SUPT3H: variants seen among roughly 807,000 people sequenced by gnomAD.
SUPT3H encodes the protein SPT3 homolog, SAGA and STAGA complex component.
Under a neutral mutation model 44.3 loss-of-function variants are expected in SUPT3H, and 44 were observed. The observed-to-expected ratio is 0.99, with a 90% confidence interval of 0.78 to 1.28. SUPT3H has a LOEUF of 1.28. Among genes scored for constraint, SUPT3H ranks in the 50% most tolerant of loss-of-function variants. The pLI is 0.00. For synonymous variants in SUPT3H, 124 were observed against 125.6 expected (o/e 0.99, Z 0.09); for missense variants, 380 against 387.1 (o/e 0.98, Z 0.15).
chr6:45,062,502 G>A (rs1474988208), intron 3 of SUPT3H, among the ~76,000 whole-genome samples: 9 of 152,316 alleles, frequency 5.9e-5, no homozygotes, highest in South Asian at 4.1e-4. Flanking sequence ...AGCTCCCAGC[G>A]TGAGCGACGC....
At chr6:45,308,779 AT>A (rs1327119312) in intron 2 of SUPT3H, among the ~76,000 whole-genome samples, 1 of 151,928 alleles carries the variant, frequency 6.6e-6, no homozygotes, top group South Asian at 2.1e-4. Context: ...GTCAAAAAAA[AT>A]AATGAAAATT....
intron 6 of SUPT3H, among the ~76,000 whole-genome samples, chr6:45,002,701 T>G (rs994187661): frequency 3.3e-5 from 5 of 152,074 alleles, no homozygotes; most frequent in Non-Finnish European, 5.9e-5. Flanking sequence ...TCTAAAGTAA[T>G]TGATACCTAA....
chr6:45,311,457 A>G (rs1783936614), intron 2 of SUPT3H, among the ~76,000 whole-genome samples: 1 of 152,148 alleles, frequency 6.6e-6, no homozygotes. Flanking sequence ...CAAGAAGCAC[A>G]AAAAAACACC....
chr6:44,974,708 A>C (rs1028668513), intron 6 of SUPT3H, among the ~76,000 whole-genome samples: 3 of 152,218 alleles, frequency 2.0e-5, no homozygotes, highest in African/African-American at 4.8e-5. Flanking sequence ...TCTGTTGCAA[A>C]AATGACAGGC....
intron 2 of SUPT3H, among the ~76,000 whole-genome samples, chr6:45,207,329 T>C (rs771104035): frequency 1.3e-5 from 2 of 152,158 alleles, no homozygotes; most frequent in Non-Finnish European, 2.9e-5. Flanking sequence ...TAAAGGTCAG[T>C]GGTGAACCTG....
intron 7 of SUPT3H, among the ~76,000 whole-genome samples, chr6:44,956,346 T>C (rs1174817258): frequency 2.0e-5 from 3 of 149,756 alleles, no homozygotes; most frequent in South Asian, 4.2e-4. Flanking sequence ...TAGCTGGGCG[T>C]GGTGGTGCGT....
chr6:45,219,778 C>T lies in SUPT3H; in HGVS notation c.102-113772G>A, dbSNP rs142205126. Among the ~76,000 whole-genome samples the T allele has an allele frequency of 4.2e-3, 646 of 152,118 alleles. 1 individual carries two copies. Among genetic ancestry groups the T allele is most frequent in the African/African-American group, 0.014 (566 of 41,504 alleles). Reference sequence around the variant, plus strand: ...AAGAATTGCCAGGCGCAGCAGCTCACGCCTGTAATCCCAGCACTTTGGGAG... The same window carrying T: ...AAGAATTGCCAGGCGCAGCAGCTCATGCCTGTAATCCCAGCACTTTGGGAG... On this transcript the variant is annotated intron_variant, in intron 2 of 10. Coordinates refer to ENST00000371459, the MANE Select transcript of SUPT3H (RefSeq NM_003599.4).
chr6:44,890,863 A>G (rs890408237), intron 10 of SUPT3H, among the ~76,000 whole-genome samples: 56 of 152,166 alleles, frequency 3.7e-4, no homozygotes, highest in South Asian at 1.0e-3. Flanking sequence ...ATGAAGCTAG[A>G]AACTATCATT....
At chr6:45,262,270 A>T (rs1774492226) in intron 2 of SUPT3H, among the ~76,000 whole-genome samples, 1 of 151,812 alleles carries the variant, frequency 6.6e-6, no homozygotes, top group Non-Finnish European at 1.5e-5. Flanking sequence ...AGCCAAAGCA[A>T]TTCTAAGCAA....
chr6:45,098,118 T>C (rs1798048481), intron 3 of SUPT3H: 1 of 153,536 alleles, frequency 6.5e-6, no homozygotes, highest in South Asian at 2.1e-4. Context: ...AATCTATATA[T>C]ATTAAATAGC....
At position 44,887,160 on chromosome 6, in the gene SUPT3H, A is replaced by T. The variant is rs191716497; in HGVS notation, c.912+45493T>A. 4.8e-3 allele frequency among the ~76,000 whole-genome samples: 728 copies of T among 152,214 alleles called. 8 individuals are homozygous for T. Among genetic ancestry groups the T allele is most frequent in the African/African-American group, 0.016 (670 of 41,560 alleles). The stretch of plus-strand genomic sequence containing the variant: ...ACAAAGAGACTTAGACTCCCACACA[A>T]TAATAATGGGAGACTTTAACACCCC... On this transcript the variant is annotated intron_variant, in intron 10 of 10. Coordinates refer to ENST00000371459, the MANE Select transcript of SUPT3H (RefSeq NM_003599.4).
chr6:44,849,353 A>G (rs1239392391), intron 10 of SUPT3H, among the ~76,000 whole-genome samples: 1 of 148,306 alleles, frequency 6.7e-6, no homozygotes, highest in African/African-American at 2.5e-5. Flanking sequence ...CAGCCTCCCA[A>G]GTAGCTGGGA....
chr6:45,026,835 A>G lies in SUPT3H; in HGVS notation c.187-6203T>C, dbSNP rs143253815. 1.8e-4 allele frequency among the ~76,000 whole-genome samples: 28 copies of G among 152,308 alleles called. No homozygotes were observed. In the East Asian group the frequency reaches 4.4e-3, roughly 24 times the overall value. ...CTCCTCTTGACTTTACCTATGAAAT[A>G]TAATTTTTGTTTAAATATACAGTGT... On this transcript the variant is annotated intron_variant, in intron 3 of 10. Transcript: ENST00000371459.
chr6:45,273,318 C>T (rs1469560590), intron 2 of SUPT3H, among the ~76,000 whole-genome samples: 5 of 152,110 alleles, frequency 3.3e-5, no homozygotes, highest in Non-Finnish European at 5.9e-5. Flanking sequence ...TGAAATGAGA[C>T]GTTCATTTGT....
intron 2 of SUPT3H, among the ~76,000 whole-genome samples, chr6:45,254,025 CAACA>C (rs1309361823): frequency 1.3e-5 from 2 of 151,284 alleles, no homozygotes; most frequent in Admixed American, 6.6e-5. Flanking sequence ...AGGCACCGAA[CAACA>C]AACAAATTCT....
chr6:45,116,863 G>A (rs1298361119), intron 2 of SUPT3H, among the ~76,000 whole-genome samples: 1 of 151,970 alleles, frequency 6.6e-6, no homozygotes, highest in Non-Finnish European at 1.5e-5. Context: ...AATGTCTCAT[G>A]CCCATTTACA....
chr6:44,813,519 T>C (rs1158098932), intron 11 of SUPT3H, among the ~76,000 whole-genome samples: 2 of 151,030 alleles, frequency 1.3e-5, no homozygotes, highest in Non-Finnish European at 2.9e-5. Flanking sequence ...GCATATATGA[T>C]GTCTGGCATT....
intron 3 of SUPT3H, among the ~76,000 whole-genome samples, chr6:45,103,823 A>G (rs944559351): frequency 1.7e-4 from 26 of 152,182 alleles, no homozygotes; most frequent in African/African-American, 6.0e-4. Context: ...TAAGGAAAAA[A>G]TCTTGAGAGC....
intron 2 of SUPT3H, among the ~76,000 whole-genome samples, chr6:45,273,632 A>G (rs930282058): frequency 2.6e-5 from 4 of 152,202 alleles, no homozygotes; most frequent in African/African-American, 7.2e-5. Context: ...GACCCCTTGT[A>G]TATCAGTAAT....
Sources: gnomAD v4.1 joint callset for allele counts (sites outside exome capture counted in the v4.1 genomes callset) on GRCh38, gnomAD v4.1.1 for gene constraint, MANE v1.5 for transcripts, NCBI Gene and HGNC (gene_info 2026-07-23, HGNC 2026-07-21) for gene names.